The following DDX60L variants were observed in gnomAD, a reference collection of about 807,000 sequenced individuals.
DDX60L encodes DExD/H-box 60 like.
DDX60L carries 191 observed loss-of-function variants against 211.6 expected under a neutral mutation model. The ratio of observed to expected loss-of-function variants is 0.90; its 90% CI spans 0.80 to 1.02. The LOEUF (loss-of-function observed/expected upper bound fraction) is 1.02. DDX60L is among the 50% of genes least tolerant of loss of function. The pLI, the probability that DDX60L is intolerant of heterozygous loss-of-function variation, is 0.00. For synonymous variants in DDX60L, 706 were observed against 694.1 expected, an observed-to-expected ratio of 1.02 and a Z score of -0.27; for missense variants, 2,007 against 1,984.1, an observed-to-expected ratio of 1.01 and a Z score of -0.22.
At chr4:168,383,684 C>T (rs780623952) in intron 30 of DDX60L, among the ~76,000 whole-genome samples, 1 of 152,062 alleles carries the variant, frequency 6.6e-6, no homozygotes, top group Non-Finnish European at 1.5e-5. Context: ...CTGTCACACC[C>T]TGTCACACTC....
At chr4:168,395,308 G>A (rs9684872) in intron 27 of DDX60L, among the ~76,000 whole-genome samples, 5,115 of 152,138 alleles carry the variant, frequency 0.034, 301 homozygotes, top group African/African-American at 0.12. Context: ...AAGTAAGGGA[G>A]GAAAGGAGAT....
chr4:168,439,335 C>G (rs758481147), intron 10 of DDX60L, among the ~76,000 whole-genome samples: 6 of 151,946 alleles, frequency 3.9e-5, no homozygotes, highest in Non-Finnish European at 7.4e-5. Context: ...TATAGAAGAG[C>G]CTGATCCAAT....
intron 17 of DDX60L, among the ~76,000 whole-genome samples, chr4:168,420,581 T>G (rs17612445): frequency 0.058 from 8,573 of 148,366 alleles, 331 homozygotes; most frequent in East Asian, 0.17. Flanking sequence ...GTATTCTCTT[T>G]GATCCTCCTT....
intron 22 of DDX60L, among the ~76,000 whole-genome samples, chr4:168,410,355 C>T (rs1748474909): frequency 6.6e-6 from 1 of 152,016 alleles, no homozygotes; most frequent in Admixed American, 6.6e-5. Context: ...TGAAGCATTC[C>T]AGGTATAGTA....
Position 168,448,661 on chromosome 4 carries a change from T to C in DDX60L, c.1115A>G (p.Tyr372Cys), listed in dbSNP as rs531916667. The change falls in exon 9 of 38, where the codon TAC (tyrosine) becomes TGC (cysteine). Residue 372 changes from tyrosine to cysteine, a missense_variant. Physicochemically the swap from Tyr to Cys is radical, Grantham distance 194. Transcript: ENST00000682922. Reference sequence around the variant, plus strand: ...ACCTTGAGTACTTTCAAATTCATAGTAGAAGGCTATATTCTTTAACAATTG... The same window carrying C: ...ACCTTGAGTACTTTCAAATTCATAGCAGAAGGCTATATTCTTTAACAATTG... Reference protein sequence around the residue: ...DEQLLKNIAFYYEFESTQEPH... With the variant: ...DEQLLKNIAFCYEFESTQEPH... The C allele has an allele frequency of 6.4e-7, 1 of 1,569,988 alleles. No homozygotes were observed. The highest frequency in any genetic ancestry group is 1.3e-5 in the African/African-American group (1 of 74,346).
chr4:168,441,472 C>T lies in DDX60L; in HGVS notation c.1159G>A (p.Asp387Asn), dbSNP rs533432548. The T allele has an allele frequency of 2.7e-4, 426 of 1,599,554 alleles. No individual in the cohort carries two copies. Among genetic ancestry groups the T allele is most frequent in the Non-Finnish European group, 3.6e-4 (417 of 1,174,156 alleles). Reference sequence around the variant, plus strand: ...TCTTCATAATCCCTCCTAATGGAATCTCCCAAATTCAAATGTGGTTCTGCA... The same window carrying T: ...TCTTCATAATCCCTCCTAATGGAATTTCCCAAATTCAAATGTGGTTCTGCA... ...STQEPHLNLG[D>N]SIRRDYEDLW... Residue 387 changes from aspartate to asparagine, a missense_variant, in exon 10 of 38, where the codon GAT (aspartate) becomes AAT (asparagine). Coordinates refer to ENST00000682922, the MANE Select transcript of DDX60L (RefSeq NM_001012967.3).
intron 9 of DDX60L, among the ~76,000 whole-genome samples, chr4:168,443,564 A>G (rs1214805237): frequency 1.3e-5 from 2 of 152,114 alleles, no homozygotes; most frequent in African/African-American, 4.8e-5. Flanking sequence ...CAACTCCAAG[A>G]CACATAATTG....
Position 168,472,377 on chromosome 4 carries a change from G to C in DDX60L, c.74+78C>G. On this transcript the variant is annotated intron_variant, in intron 3 of 37. Transcript: ENST00000682922. Reference sequence around the variant, plus strand: ...AAATAGGTTGAGTGATCATGTATATGTATATGGGTTAAGAGGGATGTGGAA... The same window carrying C: ...AAATAGGTTGAGTGATCATGTATATCTATATGGGTTAAGAGGGATGTGGAA... 3.8e-6 allele frequency: 4 copies of C among 1,062,776 alleles called. No individual in the cohort carries two copies. The South Asian group carries it at 5.9e-5, about 16-fold the overall frequency. The allele number at this position is 1,062,776 out of a possible 1,614,324, so 65.8% of individuals were successfully genotyped here. A position where few individuals can be genotyped will look rare whatever the true frequency, so the allele number is the denominator to read the frequency against.
At position 168,357,037 on chromosome 4, in the gene DDX60L, G is replaced by C. The variant is rs1738307789; in HGVS notation, c.*1110C>G. 1 of 152,144 alleles carries C rather than the reference G, an allele frequency of 6.6e-6. No individual in the cohort carries two copies. Among genetic ancestry groups the C allele is most frequent in the Non-Finnish European group, 1.5e-5 (1 of 68,016 alleles). 9.4% of individuals were successfully genotyped at this position (152,144 alleles called of 1,614,324 possible). A position where few individuals can be genotyped will look rare whatever the true frequency, so the allele number is the denominator to read the frequency against. ...ACCTTTAAAGGTTTGTTTTTGTTATGGTTGCTGTTTGTTCCCTTATGTTTG... is the reference window on the plus strand; with the variant it reads ...ACCTTTAAAGGTTTGTTTTTGTTATCGTTGCTGTTTGTTCCCTTATGTTTG... On this transcript the variant is annotated 3_prime_UTR_variant, in exon 38 of 38. Coordinates refer to ENST00000682922, the MANE Select transcript of DDX60L (RefSeq NM_001012967.3).
chr4:168,373,402 G>A (rs1436515819), intron 35 of DDX60L, among the ~76,000 whole-genome samples: 1 of 151,944 alleles, frequency 6.6e-6, no homozygotes, highest in African/African-American at 2.4e-5. Context: ...TCTTCCCACA[G>A]CAAACCTGTG....
At chr4:168,456,417 T>A (rs1203356950) in intron 6 of DDX60L, among the ~76,000 whole-genome samples, 2 of 152,044 alleles carry the variant, frequency 1.3e-5, no homozygotes, top group African/African-American at 4.8e-5. Flanking sequence ...AAACATGAAC[T>A]GATTCACAAA....
At chr4:168,466,586 T>A (rs1313325189) in intron 4 of DDX60L, among the ~76,000 whole-genome samples, 1 of 152,214 alleles carries the variant, frequency 6.6e-6, no homozygotes, top group Non-Finnish European at 1.5e-5. Flanking sequence ...CTGTCCTCAT[T>A]TCACCAGATG....
intron 14 of DDX60L, among the ~76,000 whole-genome samples, chr4:168,426,073 C>A (rs1751403218): frequency 6.6e-6 from 1 of 152,170 alleles, no homozygotes; most frequent in African/African-American, 2.4e-5. Flanking sequence ...TCCCTGCCAG[C>A]CCACAGTGTG....
chr4:168,359,867 G>C (rs1355117462), intron 37 of DDX60L, among the ~76,000 whole-genome samples: 1 of 151,894 alleles, frequency 6.6e-6, no homozygotes, highest in Non-Finnish European at 1.5e-5. Flanking sequence ...ATTAGCTTGG[G>C]GCCTATCCCC....
At position 168,430,480 on chromosome 4, in the gene DDX60L, G is replaced by A. The variant is rs1234221202; in HGVS notation, c.1675C>T (p.Gln559Ter). 1 of 1,586,990 alleles carries A rather than the reference G, an allele frequency of 6.3e-7. No homozygotes were observed. The highest frequency in any genetic ancestry group is 8.5e-7 in the Non-Finnish European group (1 of 1,171,920). The change falls in exon 13 of 38, where the codon CAG (glutamine) becomes TAG (stop). Residue 559 changes from glutamine (Q) to a stop codon, truncating the protein, a stop_gained and splice_region_variant. Transcript: ENST00000682922. LOFTEE classifies it high-confidence loss of function. ...DSSGASGEIL[Q>*]NTKPHQITKK... is the part of the protein sequence containing the mutation. ...TAGGTAAAATCTTTGCGATCTACCT[G>A]TAATATTTCACCACTGGCACCACTG...
At chr4:168,359,909 A>G (rs997886490) in intron 37 of DDX60L, among the ~76,000 whole-genome samples, 3 of 152,168 alleles carry the variant, frequency 2.0e-5, no homozygotes, top group African/African-American at 7.2e-5. Flanking sequence ...ATTTCTGCAC[A>G]TTTGGATACA....
intron 29 of DDX60L, among the ~76,000 whole-genome samples, chr4:168,386,488 T>C (rs144131504): frequency 4.9e-4 from 75 of 152,042 alleles, no homozygotes; most frequent in African/African-American, 1.7e-3. Flanking sequence ...TATAAATTAG[T>C]TTTAGGCGGT....
At chr4:168,468,466 A>G (rs1163944987) in intron 4 of DDX60L, among the ~76,000 whole-genome samples, 1 of 152,166 alleles carries the variant, frequency 6.6e-6, no homozygotes, top group East Asian at 1.9e-4. Context: ...AAACTCTCAG[A>G]AAACCTAAAA....
At chr4:168,470,539 A>T (rs1266362978) in intron 4 of DDX60L, 1 of 152,210 alleles carries the variant, frequency 6.6e-6, no homozygotes, top group East Asian at 1.9e-4. Flanking sequence ...TGTTGAATGA[A>T]AGGTTTATAC....
Sources: gnomAD v4.1 joint callset for allele counts (sites outside exome capture counted in the v4.1 genomes callset) on GRCh38, gnomAD v4.1.1 for gene constraint, MANE v1.5 for transcripts, NCBI Gene and HGNC (gene_info 2026-07-23, HGNC 2026-07-21) for gene names.